The following KIF13A variants were observed in gnomAD, a reference collection of about 807,000 sequenced individuals.
KIF13A encodes kinesin-like protein KIF13A.
Under a neutral mutation model 212.2 loss-of-function variants are expected in KIF13A, and 79 were observed. The observed-to-expected ratio is 0.37, with a 90% CI of 0.31 to 0.45. The LOEUF (loss-of-function observed/expected upper bound fraction) is 0.45. KIF13A is among the 20% of genes least tolerant of loss of function. The pLI is 1.00. For synonymous variants in KIF13A, 789 were observed against 808.6 expected (o/e 0.98, Z 0.41); for missense variants, 1,901 against 2,209.0 (o/e 0.86, Z 2.79).
chr6:17,798,024 C>G (rs1245578912), intron 22 of KIF13A, among the ~76,000 whole-genome samples: 2 of 152,174 alleles, frequency 1.3e-5, no homozygotes, highest in African/African-American at 4.8e-5. Context: ...TTCCATTAGT[C>G]TTTAGGTGGA....
At chr6:17,818,793 G>C (rs1360501805) in intron 16 of KIF13A, among the ~76,000 whole-genome samples, 2 of 152,102 alleles carry the variant, frequency 1.3e-5, no homozygotes, top group African/African-American at 4.8e-5. Context: ...TAACTAATTG[G>C]CTGGGGTAGG....
downstream of KIF13A, among the ~76,000 whole-genome samples, chr6:17,763,447 G>A (rs1277534999): frequency 7.3e-6 from 1 of 137,342 alleles, no homozygotes; most frequent in Non-Finnish European, 1.5e-5. Flanking sequence ...TGCAGCCTGG[G>A]TGACAGAGTG....
intron 2 of KIF13A, among the ~76,000 whole-genome samples, chr6:17,944,796 G>C (rs980671609): frequency 2.6e-5 from 4 of 151,898 alleles, no homozygotes; most frequent in African/African-American, 9.7e-5. Context: ...AGAAATGAAA[G>C]ATATAAACAC....
At chr6:17,833,401 G>A (rs1723471389) in intron 12 of KIF13A, among the ~76,000 whole-genome samples, 1 of 151,288 alleles carries the variant, frequency 6.6e-6, no homozygotes, top group African/African-American at 2.4e-5. Flanking sequence ...GGGACTGAGG[G>A]AGGAGAATCA....
At chr6:17,983,639 T>C (rs1048727344) in intron 2 of KIF13A, among the ~76,000 whole-genome samples, 2 of 152,044 alleles carry the variant, frequency 1.3e-5, no homozygotes, top group African/African-American at 4.8e-5. Flanking sequence ...ATTATAGGTA[T>C]GTACCACTCG....
rs1311757122 is a variant in KIF13A at position 17,826,953 on chromosome 6, C to G, written c.1533-829G>C. On this transcript the variant is annotated intron_variant, in intron 14 of 38. Coordinates refer to ENST00000259711, the MANE Select transcript of KIF13A (RefSeq NM_022113.6). This position sits in a 1 kb window ranked among gnomAD's most constrained non-coding sequence, Gnocchi z 4.7. ...TGGTGGGCGCCTGTAATCCCAGCTA[C>G]TTGGGAGGCGAGGCAGGAGGTTTGC... is the stretch of plus-strand genomic sequence containing the variant. Among the ~76,000 whole-genome samples the G allele has an allele frequency of 1.3e-5, 2 of 151,492 alleles. No individual in the cohort carries two copies. The highest frequency in any genetic ancestry group is 2.9e-5 in the Non-Finnish European group (2 of 67,932).
Position 17,961,202 on chromosome 6 carries a change from T to C in KIF13A, c.146+25852A>G, listed in dbSNP as rs1313839553. Among the ~76,000 whole-genome samples, 1 of 151,164 alleles carries C rather than the reference T, an allele frequency of 6.6e-6. No individual in the cohort carries two copies. Among genetic ancestry groups the C allele is most frequent in the Non-Finnish European group, 1.5e-5 (1 of 67,482 alleles). ...AAAGAGCACTTCAAACTGGAGAAAA[T>C]ACGGAAGTGGAAACTGGGATGTGCA... On this transcript the variant is annotated intron_variant, in intron 2 of 38. Transcript: ENST00000259711. The surrounding 1 kb of genome is among the most constrained non-coding windows in gnomAD (Gnocchi z 4.1).
intron 2 of KIF13A, among the ~76,000 whole-genome samples, chr6:17,972,073 C>A (rs572242383): frequency 2.0e-5 from 3 of 152,144 alleles, no homozygotes; most frequent in Non-Finnish European, 4.4e-5. Context: ...AAACTTAAAG[C>A]GATATTACCA....
At position 17,849,580 on chromosome 6, in the gene KIF13A, C is replaced by T; in HGVS notation, c.718-91G>A. ...TATGTTAGCACTATAATTGAGCAAT[C>T]CATCCCACTCTCATATGGCAAATTT... On this transcript the variant is annotated intron_variant, in intron 8 of 38. Transcript: ENST00000259711. The surrounding 1 kb of genome is among the most constrained non-coding windows in gnomAD (Gnocchi z 5.7). 2.5e-6 allele frequency: 2 copies of T among 808,334 alleles called. No homozygotes were observed. Among genetic ancestry groups the T allele is most frequent in the Non-Finnish European group, 3.9e-6 (2 of 516,388 alleles). The allele number at this position is 808,334 out of a possible 1,614,324, so 50.1% of individuals were successfully genotyped here.
chr6:17,911,259 C>T (rs1371735952), intron 2 of KIF13A, among the ~76,000 whole-genome samples: 1 of 152,246 alleles, frequency 6.6e-6, no homozygotes, highest in East Asian at 1.9e-4. Context: ...AAACCATCTC[C>T]ACTGACTGAG....
rs141089987 is a variant in KIF13A, at chr6:17,974,830, C to T, written c.146+12224G>A. On this transcript the variant is annotated intron_variant, in intron 2 of 38. Coordinates refer to ENST00000259711, the MANE Select transcript of KIF13A (RefSeq NM_022113.6). ...TGCTTAATGCACTGGCCACATATAG[C>T]TGTTTAAATCAATGAAAATAAAAGT... Among the ~76,000 whole-genome samples the T allele has an allele frequency of 3.4e-4, 52 of 152,320 alleles. 1 individual carries two copies. In the East Asian group the frequency reaches 9.6e-3, roughly 28 times the overall value.
chr6:17,980,472 T>C (rs1277913964), intron 2 of KIF13A, among the ~76,000 whole-genome samples: 2 of 152,056 alleles, frequency 1.3e-5, no homozygotes. Context: ...GGGAAACCCC[T>C]GGGAGGCAAC....
At chr6:17,853,976 G>A (rs1051353181) in intron 6 of KIF13A, among the ~76,000 whole-genome samples, 1 of 152,054 alleles carries the variant, frequency 6.6e-6, no homozygotes, top group African/African-American at 2.4e-5. Context: ...GCCAATGTAG[G>A]TAGGCAGTTG....
chr6:17,815,270 G>C (rs1763818842), intron 17 of KIF13A, among the ~76,000 whole-genome samples: 1 of 151,202 alleles, frequency 6.6e-6, no homozygotes, highest in East Asian at 2.0e-4. Context: ...CAGACCAGGA[G>C]AGTGACCACT....
In KIF13A at chr6:17,771,382, G is replaced by T; in HGVS notation, c.4477-164C>A. 1.7e-6 allele frequency: 1 copy of T among 577,530 alleles called. No homozygotes were observed. The highest frequency in any genetic ancestry group is 3.1e-6 in the Non-Finnish European group (1 of 323,968). 35.8% of individuals were successfully genotyped at this position (577,530 alleles called of 1,614,324 possible). On this transcript the variant is annotated intron_variant, in intron 37 of 38. Coordinates refer to ENST00000259711, the MANE Select transcript of KIF13A (RefSeq NM_022113.6). This position sits in a 1 kb window ranked among gnomAD's most constrained non-coding sequence, Gnocchi z 5.4. ...CAGAGTTAAACTACTGGAGAGATAT[G>T]ACAGGAATAAACAGATTCTGTGGCA...
At position 17,799,303 on chromosome 6, in the gene KIF13A, T is replaced by C. The variant is rs749746390; in HGVS notation, c.2753A>G (p.Lys918Arg). ...VDPEVPSPQS[K>R]DAQYTVTFSH... ...GAAGGTCACTGTGTACTGGGCATCCTTGGACTGTGGTGAAGGCACCTCGGG... is the reference window on the plus strand; with the variant it reads ...GAAGGTCACTGTGTACTGGGCATCCCTGGACTGTGGTGAAGGCACCTCGGG... Residue 918 changes from lysine (K) to arginine (R), a missense_variant, in exon 22 of 39, where the codon AAG becomes AGG. Physicochemically the swap from Lys to Arg is conservative, Grantham distance 26. Coordinates refer to ENST00000259711, the MANE Select transcript of KIF13A (RefSeq NM_022113.6). The surrounding 1 kb of genome is among the most constrained non-coding windows in gnomAD (Gnocchi z 4.4). 6.2e-7 allele frequency: 1 copy of C among 1,613,176 alleles called. No homozygotes were observed. The highest frequency in any genetic ancestry group is 1.1e-5 in the South Asian group (1 of 90,898).
rs36054856 is a variant in KIF13A at position 17,777,835 on chromosome 6, AT to A, written c.4093-482del. Among the ~76,000 whole-genome samples the A allele has an allele frequency of 0.16, 22,977 of 143,724 alleles. 2,019 individuals carry two copies. The highest frequency in any genetic ancestry group is 0.33 in the East Asian group (1,515 of 4,646). The allele number at this position is 143,724 out of a possible 152,430, so 94.3% of individuals were successfully genotyped here. On this transcript the variant is annotated intron_variant, in intron 33 of 38. Transcript: ENST00000259711. The surrounding 1 kb of genome is among the most constrained non-coding windows in gnomAD (Gnocchi z 4.4). ...TTATTTGTTTAGCAATTTATCAAAA[AT>A]ATTTTTTTTAAGATAAATAAAACTG...
intron 2 of KIF13A, among the ~76,000 whole-genome samples, chr6:17,960,849 G>A (rs975341560): frequency 3.3e-5 from 5 of 152,172 alleles, no homozygotes; most frequent in Non-Finnish European, 7.3e-5. Flanking sequence ...TACTGACTTC[G>A]TCATCAAGGA....
At chr6:17,928,394 G>A (rs963707477) in intron 2 of KIF13A, among the ~76,000 whole-genome samples, 2 of 152,148 alleles carry the variant, frequency 1.3e-5, no homozygotes, top group African/African-American at 4.8e-5. Context: ...CACTCTCAGA[G>A]CCCTAAGGTG....
Sources: allele counts gnomAD v4.1 joint callset (sites outside exome capture counted in the v4.1 genomes callset), GRCh38; gene constraint gnomAD v4.1.1; non-coding constraint Gnocchi (gnomAD v3.1); transcripts MANE v1.5; gene names NCBI Gene and HGNC (gene_info 2026-07-23, HGNC 2026-07-21).